SUPT3H: variants seen among roughly 807,000 people sequenced by gnomAD.
SUPT3H encodes the protein SPT3 homolog, SAGA and STAGA complex component.
SUPT3H carries 44 observed loss-of-function variants against 44.3 expected under a neutral mutation model. The ratio of observed to expected loss-of-function variants is 0.99; its 90% CI spans 0.78 to 1.28. The LOEUF (loss-of-function observed/expected upper bound fraction) is 1.28, where lower values mean the gene tolerates loss of function less well. SUPT3H is among the 50% of genes most tolerant of loss of function. SUPT3H has a pLI of 0.00. For synonymous variants in SUPT3H, 124 were observed against 125.6 expected, an observed-to-expected ratio of 0.99 and a Z score of 0.09; for missense variants, 380 against 387.1, an observed-to-expected ratio of 0.98 and a Z score of 0.15.
At position 44,977,487 on chromosome 6, in the gene SUPT3H, G is replaced by C. The variant is rs368798492; in HGVS notation, c.505-15659C>G. Reference sequence around the variant, plus strand: ...AAAAAAAATTTTTGAACTAATTTTAGATTTGCAGAAAAACTTCAAAAATAG... The same window carrying C: ...AAAAAAAATTTTTGAACTAATTTTACATTTGCAGAAAAACTTCAAAAATAG... On this transcript the variant is annotated intron_variant, in intron 6 of 10. Coordinates refer to ENST00000371459, the MANE Select transcript of SUPT3H (RefSeq NM_003599.4). Among the ~76,000 whole-genome samples the C allele has an allele frequency of 1.3e-4, 20 of 152,052 alleles. No individual in the cohort carries two copies. The East Asian group carries it at 2.1e-3, about 16-fold the overall frequency.
At chr6:44,885,022 C>T (rs1407001791) in intron 10 of SUPT3H, among the ~76,000 whole-genome samples, 1 of 152,160 alleles carries the variant, frequency 6.6e-6, no homozygotes, top group African/African-American at 2.4e-5. Flanking sequence ...GCTAGCACAG[C>T]AGTCTGAAAT....
chr6:45,191,020 T>G (rs1815041072), intron 2 of SUPT3H, among the ~76,000 whole-genome samples: 1 of 152,090 alleles, frequency 6.6e-6, no homozygotes, highest in Non-Finnish European at 1.5e-5. Flanking sequence ...CTTATAAAAC[T>G]AAACATATTC....
In SUPT3H at chr6:45,229,444, T is replaced by C. The variant is rs569381013; in HGVS notation, c.102-123438A>G. 1.1e-4 allele frequency among the ~76,000 whole-genome samples: 16 copies of C among 152,284 alleles called. 1 individual carries two copies. In the East Asian group the frequency reaches 1.7e-3, roughly 17 times the overall value. ...GGAGTATGAGCCATGTATTCTACTA[T>C]AGCAAAATACTAAAATAAAAATAAC... is the stretch of plus-strand genomic sequence containing the variant. On this transcript the variant is annotated intron_variant, in intron 2 of 10. Coordinates refer to ENST00000371459, the MANE Select transcript of SUPT3H (RefSeq NM_003599.4).
chr6:45,340,417 G>A (rs1005713196), intron 2 of SUPT3H, among the ~76,000 whole-genome samples: 2 of 152,050 alleles, frequency 1.3e-5, no homozygotes, highest in Non-Finnish European at 2.9e-5. Context: ...TTGACCTCCT[G>A]AGCTCAAGGG....
At position 45,086,769 on chromosome 6, in the gene SUPT3H, T is replaced by C. The variant is rs781681597; in HGVS notation, c.186+19153A>G. 2.0e-5 allele frequency among the ~76,000 whole-genome samples: 3 copies of C among 151,970 alleles called. No individual in the cohort carries two copies. In the East Asian group the frequency reaches 5.8e-4, roughly 29 times the overall value. Reference sequence around the variant, plus strand: ...TCACTGGTACTGAAAATGAGAGTTATTTATCTGTGAATAGGTACACGGCTA... The same window carrying C: ...TCACTGGTACTGAAAATGAGAGTTACTTATCTGTGAATAGGTACACGGCTA... On this transcript the variant is annotated intron_variant, in intron 3 of 10. Transcript: ENST00000371459.
intron 9 of SUPT3H, among the ~76,000 whole-genome samples, chr6:44,935,333 A>C (rs1462098541): frequency 6.6e-6 from 1 of 152,212 alleles, no homozygotes; most frequent in African/African-American, 2.4e-5. Flanking sequence ...TTGCTTCAGA[A>C]GAATTAACAT....
chr6:45,180,700 C>T (rs1812991242), intron 2 of SUPT3H, among the ~76,000 whole-genome samples: 1 of 152,068 alleles, frequency 6.6e-6, no homozygotes, highest in Non-Finnish European at 1.5e-5. Context: ...TTCCTTACAC[C>T]TTATACAAAA....
At chr6:45,194,809 A>G (rs1487391588) in intron 2 of SUPT3H, among the ~76,000 whole-genome samples, 1 of 152,210 alleles carries the variant, frequency 6.6e-6, no homozygotes, top group Non-Finnish European at 1.5e-5. Context: ...AATACAATTT[A>G]AACCCAATCT....
intron 1 of SUPT3H, among the ~76,000 whole-genome samples, chr6:45,370,414 C>T (rs1440383220): frequency 2.0e-5 from 3 of 151,954 alleles, no homozygotes; most frequent in Non-Finnish European, 4.4e-5. Flanking sequence ...TCAGTTGGGC[C>T]TATGTTAAGT....
chr6:44,888,802 A>G (rs1057185201), intron 10 of SUPT3H, among the ~76,000 whole-genome samples: 4 of 151,986 alleles, frequency 2.6e-5, no homozygotes, highest in Admixed American at 1.3e-4. Flanking sequence ...AGGGTATTCA[A>G]TTAGGAAAAG....
intron 6 of SUPT3H, among the ~76,000 whole-genome samples, chr6:44,971,811 C>T (rs551427354): frequency 6.6e-6 from 1 of 152,072 alleles, no homozygotes. Flanking sequence ...CTCACTCTGT[C>T]GCCCAGGCTG....
At chr6:44,946,634 T>A (rs1464970518) in intron 9 of SUPT3H, among the ~76,000 whole-genome samples, 1 of 152,180 alleles carries the variant, frequency 6.6e-6, no homozygotes, top group Non-Finnish European at 1.5e-5. Context: ...CTGCTCAATC[T>A]CATGATAAAA....
At position 44,815,680 on chromosome 6, in the gene SUPT3H, G is replaced by C. The variant is rs1391246111; in HGVS notation, c.*53-6179C>G. On this transcript the variant is annotated intron_variant and NMD_transcript_variant, in intron 11 of 11. Coordinates refer to the SUPT3H transcript ENST00000475057. The stretch of plus-strand genomic sequence containing the variant: ...AGAACAGAACTTCAAAATATACTAA[G>C]CAAAACCTAATAAAACTCAAAGGAG... 2.0e-5 allele frequency among the ~76,000 whole-genome samples: 3 copies of C among 152,030 alleles called. No homozygotes were observed. The East Asian group carries it at 5.8e-4, about 29-fold the overall frequency.
rs544390367 is a variant in SUPT3H, at chr6:45,317,494, C to A, written c.101+47707G>T. ...ACAGCATGGTACGGGCATAAAAGCA[C>A]ACACACTAACGGAACAGAACAGTGA... is the stretch of plus-strand genomic sequence containing the variant. On this transcript the variant is annotated intron_variant, in intron 2 of 10. Coordinates refer to ENST00000371459, the MANE Select transcript of SUPT3H (RefSeq NM_003599.4). 2.0e-5 allele frequency among the ~76,000 whole-genome samples: 3 copies of A among 152,152 alleles called. No individual in the cohort carries two copies. In the East Asian group the frequency reaches 5.8e-4, roughly 29 times the overall value.
intron 10 of SUPT3H, among the ~76,000 whole-genome samples, chr6:44,913,200 T>G (rs6931343): frequency 0.077 from 11,685 of 152,288 alleles, 907 homozygotes; most frequent in African/African-American, 0.19. Flanking sequence ...ATCCTTCCAG[T>G]TGACAGTCTA....
intron 10 of SUPT3H, 64 bp downstream of exon 10, chr6:44,932,586 GACC>G: frequency 8.8e-7 from 1 of 1,139,046 alleles, no homozygotes; most frequent in Non-Finnish European, 1.2e-6. Context: ...TTCTTCATTT[GACC>G]ACTTGAAAAT....
At chr6:45,264,320 G>C (rs561982884) in intron 2 of SUPT3H, among the ~76,000 whole-genome samples, 1 of 152,152 alleles carries the variant, frequency 6.6e-6, no homozygotes, top group East Asian at 1.9e-4. Flanking sequence ...AATTGTTGTG[G>C]GTAAAAGTTC....
At position 44,910,994 on chromosome 6, in the gene SUPT3H, C is replaced by CAA. The variant is rs34384511; in HGVS notation, c.912+21657_912+21658dup. Among the ~76,000 whole-genome samples the CAA allele has an allele frequency of 6.1e-3, 381 of 62,682 alleles. 34 individuals are homozygous for CAA. The highest frequency in any genetic ancestry group is 6.5e-3 in the African/African-American group (94 of 14,396). The allele number at this position is 62,682 out of a possible 152,430, so 41.1% of individuals were successfully genotyped here. On this transcript the variant is annotated intron_variant, in intron 10 of 10. Coordinates refer to ENST00000371459, the MANE Select transcript of SUPT3H (RefSeq NM_003599.4). ...TGGGCAACAGAGTGAGACTCCATCT[C>CAA]AAAAAAAAAAAAAAAAAAAAAAAAA...
intron 2 of SUPT3H, among the ~76,000 whole-genome samples, chr6:45,211,617 G>A (rs577879979): frequency 6.8e-4 from 103 of 152,182 alleles, no homozygotes; most frequent in African/African-American, 2.0e-3. Flanking sequence ...TTGGGAGACC[G>A]AGGCAGACAG....
Sources: gnomAD v4.1 joint callset for allele counts (sites outside exome capture counted in the v4.1 genomes callset) on GRCh38, gnomAD v4.1.1 for gene constraint, MANE v1.5 for transcripts, NCBI Gene and HGNC (gene_info 2026-07-23, HGNC 2026-07-21) for gene names.